Variants in MRPL15 observed in about 807,000 individuals in gnomAD.
The protein encoded by MRPL15 is large ribosomal subunit protein uL15m.
A neutral mutation model predicts 28.0 loss-of-function variants in MRPL15; 24 were observed. The ratio of observed to expected loss-of-function variants is 0.86; its 90% CI spans 0.62 to 1.21. The LOEUF is 1.21. Among genes scored for constraint, MRPL15 ranks in the 50% most tolerant of loss-of-function variants. MRPL15 has a pLI of 0.00. For missense variants in MRPL15, 343 were observed against 372.4 expected, an observed-to-expected ratio of 0.92 and a Z score of 0.65; for synonymous variants, 124 against 137.0, an observed-to-expected ratio of 0.90 and a Z score of 0.66.
At position 54,135,324 on chromosome 8, in the gene MRPL15, AC is replaced by A. The variant is rs1482981688; in HGVS notation, c.43del (p.Leu15TyrfsTer8). The part of the protein sequence containing the change: ...PLQGGGARAL[D>X]LLRGLPRVSL... ...CAGGGCGGTGGGGCCCGGGCCCTGG[AC>A]CTACTCCGGGGCCTGCCGCGTGTGA... is the stretch of plus-strand genomic sequence containing the variant. On this transcript the variant is annotated frameshift_variant, in exon 1 of 5. Transcript: ENST00000260102. LOFTEE classifies it high-confidence loss of function. The A allele has an allele frequency of 1.4e-6, 2 of 1,480,482 alleles. No homozygotes were observed. The highest frequency in any genetic ancestry group is 2.6e-5 in the South Asian group (2 of 76,728). 91.7% of individuals were successfully genotyped at this position (1,480,482 alleles called of 1,614,324 possible). A position where few individuals can be genotyped will look rare whatever the true frequency, so the allele number is the denominator to read the frequency against.
In MRPL15 at chr8:54,147,614, A is replaced by G; in HGVS notation, c.786A>G (p.Pro262=). The part of the protein sequence containing the change: ...LFKMLCTRKD[P]RQIFFGLAPG... ...AAATGCTCTGTACTAGGAAGGATCC[A>G]AGGCAGATTTTCTTTGGTCTTGCTC... is the stretch of plus-strand genomic sequence containing the variant. Residue 262 remains proline (P), a synonymous_variant, in exon 5 of 5, where the codon CCA becomes CCG. Transcript: ENST00000260102. 6.2e-7 allele frequency: 1 copy of G among 1,614,206 alleles called. No individual in the cohort carries two copies. The highest frequency in any genetic ancestry group is 8.5e-7 in the Non-Finnish European group (1 of 1,180,020).
Position 54,135,248 on chromosome 8 carries a change from T to G in MRPL15, c.-36T>G, listed in dbSNP as rs1264601422. The G allele has an allele frequency of 7.8e-7, 1 of 1,286,408 alleles. No individual in the cohort carries two copies. The highest frequency in any genetic ancestry group is 1.0e-6 in the Non-Finnish European group (1 of 1,003,834). 79.7% of individuals were successfully genotyped at this position (1,286,408 alleles called of 1,614,324 possible). On this transcript the variant is annotated 5_prime_UTR_variant, in exon 1 of 5. Transcript: ENST00000260102. ...CGAGACCACGTGGCCTCCGAGCAGC[T>G]CAGGGCGCCCTTGAAAGTTCTTGGA...
chr8:54,135,258 C>G lies in MRPL15; in HGVS notation c.-26C>G, dbSNP rs199847553. 7 of 1,306,986 alleles carry G rather than the reference C, an allele frequency of 5.4e-6. No individual in the cohort carries two copies. The East Asian group carries it at 2.2e-4, about 41-fold the overall frequency. 81.0% of individuals were successfully genotyped at this position (1,306,986 alleles called of 1,614,324 possible). A position where few individuals can be genotyped will look rare whatever the true frequency, so the allele number is the denominator to read the frequency against. On this transcript the variant is annotated 5_prime_UTR_variant, in exon 1 of 5. Transcript: ENST00000260102. Reference sequence around the variant, plus strand: ...TGGCCTCCGAGCAGCTCAGGGCGCCCTTGAAAGTTCTTGGATCTGCGGGTT... The same window carrying G: ...TGGCCTCCGAGCAGCTCAGGGCGCCGTTGAAAGTTCTTGGATCTGCGGGTT...
Position 54,147,432 on chromosome 8 carries a change from A to G in MRPL15, c.604A>G (p.Lys202Glu). ...PFFLRGQPIP[K>E]RMLPPEELVP... ...CTTTCTTCGTGGACAACCCATTCCAAAAAGAATGCTTCCACCAGAAGAACT... is the reference window on the plus strand; with the variant it reads ...CTTTCTTCGTGGACAACCCATTCCAGAAAGAATGCTTCCACCAGAAGAACT... Residue 202 changes from lysine (K) to glutamate (E), a missense_variant, in exon 5 of 5, where the codon AAA becomes GAA. By Grantham distance (56) the Lys-to-Glu change is moderately conservative. Coordinates refer to ENST00000260102, the MANE Select transcript of MRPL15 (RefSeq NM_014175.4). 1.2e-6 allele frequency: 2 copies of G among 1,613,896 alleles called. No homozygotes were observed. Among genetic ancestry groups the G allele is most frequent in the Non-Finnish European group, 1.7e-6 (2 of 1,179,812 alleles).
chr8:54,135,558 G>T (rs12679542), intron 1 of MRPL15, among the ~76,000 whole-genome samples, 167 bp downstream of exon 1: 45,341 of 149,116 alleles, frequency 0.3, 8,771 homozygotes, highest in East Asian at 0.72. Flanking sequence ...ATCTTTCCAC[G>T]TGCACCCAGT....
At chr8:54,137,215 G>C in intron 2 of MRPL15, 53 bp from the exon 3 acceptor site, 1 of 1,536,148 alleles carries the variant, frequency 6.5e-7, no homozygotes, top group Non-Finnish European at 8.9e-7. Flanking sequence ...AGTTGATTTC[G>C]AGAAGTTACA....
At chr8:54,143,101 G>A (rs1373294921) in intron 4 of MRPL15, among the ~76,000 whole-genome samples, 1 of 150,806 alleles carries the variant, frequency 6.6e-6, no homozygotes, top group African/African-American at 2.4e-5. Flanking sequence ...TTTTTTTTAA[G>A]ACAGAGTCTT....
In MRPL15 at chr8:54,147,830, CT is replaced by C. The variant is rs1400779728; in HGVS notation, c.*115del. 7.4e-6 allele frequency: 7 copies of C among 941,662 alleles called. No homozygotes were observed. The African/African-American group carries it at 1.2e-4, about 16-fold the overall frequency. 58.3% of individuals were successfully genotyped at this position (941,662 alleles called of 1,614,324 possible). On this transcript the variant is annotated 3_prime_UTR_variant, in exon 5 of 5. Transcript: ENST00000260102. ...TATAATTTTCCAGATGGTGATGTTA[CT>C]TTTCAGTGTACTCATATGTCTCATT... is the stretch of plus-strand genomic sequence containing the variant.
chr8:54,141,256 TC>T (rs1438643124), intron 3 of MRPL15, among the ~76,000 whole-genome samples: 3 of 152,220 alleles, frequency 2.0e-5, no homozygotes, highest in Admixed American at 1.3e-4. Context: ...CGTTGGTATT[TC>T]CATCTATGAA....
rs1283499937 is a variant in MRPL15 at position 54,143,880 on chromosome 8, C to A, written c.553+1094C>A. Reference sequence around the variant, plus strand: ...TGTTCCTCCTGCCTGGAGCTTCCCCCACTTGGAATATTCATGGCTTTGGGC... The same window carrying A: ...TGTTCCTCCTGCCTGGAGCTTCCCCAACTTGGAATATTCATGGCTTTGGGC... On this transcript the variant is annotated intron_variant, in intron 4 of 4. Coordinates refer to ENST00000260102, the MANE Select transcript of MRPL15 (RefSeq NM_014175.4). Among the ~76,000 whole-genome samples the A allele has an allele frequency of 3.3e-5, 5 of 152,224 alleles. No homozygotes were observed. The South Asian group carries it at 6.2e-4, about 19-fold the overall frequency.
rs756611328 is a variant in MRPL15 at position 54,147,726 on chromosome 8, G to A, written c.*7G>A. The A allele has an allele frequency of 6.8e-5, 109 of 1,593,700 alleles. No individual in the cohort carries two copies. Among genetic ancestry groups the A allele is most frequent in the South Asian group, 4.5e-4 (40 of 88,242 alleles). The stretch of plus-strand genomic sequence containing the variant: ...TAAGTATTATACCTCATGAATTCCC[G>A]TCCAAGGAAGCAGAGTTGTTAAAGA... On this transcript the variant is annotated 3_prime_UTR_variant, in exon 5 of 5. Transcript: ENST00000260102.
intron 3 of MRPL15, among the ~76,000 whole-genome samples, chr8:54,140,890 C>T (rs1810913673): frequency 6.6e-6 from 1 of 151,812 alleles, no homozygotes; most frequent in South Asian, 2.1e-4. Flanking sequence ...CCTAGAACTA[C>T]ATTTTCTAGT....
At chr8:54,139,141 A>G (rs1810877400) in intron 3 of MRPL15, among the ~76,000 whole-genome samples, 1 of 152,164 alleles carries the variant, frequency 6.6e-6, no homozygotes, top group African/African-American at 2.4e-5. Context: ...CTGGGATTAC[A>G]GGCATGTGCC....
chr8:54,138,989 G>A (rs1810874508), intron 3 of MRPL15, among the ~76,000 whole-genome samples: 1 of 151,838 alleles, frequency 6.6e-6, no homozygotes, highest in Admixed American at 6.6e-5. Flanking sequence ...ACCAGGCCCA[G>A]CTAATTTTCT....
intron 4 of MRPL15, among the ~76,000 whole-genome samples, chr8:54,146,446 C>CA (rs34515810): frequency 0.01 from 966 of 92,876 alleles, 12 homozygotes; most frequent in African/African-American, 0.027. Flanking sequence ...GACTTTGTCT[C>CA]AAAAAAAAAA....
intron 3 of MRPL15, among the ~76,000 whole-genome samples, chr8:54,140,214 A>G (rs763905696): frequency 7.9e-5 from 12 of 152,066 alleles, no homozygotes; most frequent in Non-Finnish European, 1.5e-4. Context: ...GTGACCAAAA[A>G]TTTAACGTTT....
chr8:54,136,666 G>A lies in MRPL15; in HGVS notation c.263+1G>A, dbSNP rs770837758. On this transcript the variant is annotated splice_donor_variant, in intron 2 of 4. Coordinates refer to ENST00000260102, the MANE Select transcript of MRPL15 (RefSeq NM_014175.4). LOFTEE classifies it high-confidence loss of function. The stretch of plus-strand genomic sequence containing the variant: ...AATACGGGTTTAACGAAGGACATAG[G>A]TAAGGTTGCTTTGCTTTTTAAAGTA... The A allele has an allele frequency of 6.2e-7, 1 of 1,609,888 alleles. No homozygotes were observed. The highest frequency in any genetic ancestry group is 8.5e-7 in the Non-Finnish European group (1 of 1,177,766).
chr8:54,147,330 G>C, intron 4 of MRPL15, 52 bp from the exon 5 acceptor site: 2 of 1,366,636 alleles, frequency 1.5e-6, no homozygotes, highest in East Asian at 2.3e-5. Context: ...CTCTAGGTAT[G>C]TCTATGAGCT....
At chr8:54,142,545 T>A in intron 3 of MRPL15, 118 bp from the exon 4 acceptor site, 1 of 1,178,814 alleles carries the variant, frequency 8.5e-7, no homozygotes, top group Non-Finnish European at 1.2e-6. Flanking sequence ...GAGGACTAAC[T>A]GTATTGTTAT....
Sources: gnomAD v4.1 joint callset for allele counts (sites outside exome capture counted in the v4.1 genomes callset) on GRCh38, gnomAD v4.1.1 for gene constraint, MANE v1.5 for transcripts, NCBI Gene and HGNC (gene_info 2026-07-23, HGNC 2026-07-21) for gene names.